FAM20A: variants seen among roughly 807,000 people sequenced by gnomAD.
FAM20A encodes the protein pseudokinase FAM20A.
Under a neutral mutation model 52.0 loss-of-function variants are expected in FAM20A, and 42 were observed. That is an observed-to-expected ratio of 0.81 (90% CI 0.63 to 1.04). FAM20A has a LOEUF of 1.04. FAM20A is among the 50% of genes least tolerant of loss of function. The pLI is 0.00. For missense variants in FAM20A, 742 were observed against 712.7 expected, an observed-to-expected ratio of 1.04 and a Z score of -0.47; for synonymous variants, 304 against 298.9, an observed-to-expected ratio of 1.02 and a Z score of -0.18.
chr17:68,575,383 ATATATATATATATTT>A (rs2087698259), intron 1 of FAM20A, among the ~76,000 whole-genome samples: 1 of 80,622 alleles, frequency 1.2e-5, no homozygotes, highest in African/African-American at 3.3e-5. Flanking sequence ...TTTACTTTAC[ATATATATATATATTT>A]TATATATATA....
chr17:68,600,758 A>C lies in FAM20A; in HGVS notation c.-92T>G. On this transcript the variant is annotated 5_prime_UTR_variant, in exon 1 of 11. Coordinates refer to ENST00000592554, the MANE Select transcript of FAM20A (RefSeq NM_017565.4). This position sits in a 1 kb window ranked among gnomAD's most constrained non-coding sequence, Gnocchi z 6.2. ...GGGTGCGGGCAGAAGAGGTGCCTGG[A>C]GTCCCGCGGGTGGGCCGGGGTCAGT... 7.2e-7 allele frequency: 1 copy of C among 1,392,828 alleles called. No individual in the cohort carries two copies. Among genetic ancestry groups the C allele is most frequent in the African/African-American group, 1.5e-5 (1 of 67,390 alleles). 86.3% of individuals were successfully genotyped at this position (1,392,828 alleles called of 1,614,324 possible).
intron 1 of FAM20A, among the ~76,000 whole-genome samples, chr17:68,574,411 CACG>C (rs774765406): frequency 2.0e-5 from 3 of 152,088 alleles, no homozygotes; most frequent in Admixed American, 6.5e-5. Flanking sequence ...GACCCACTCC[CACG>C]ATAACCCGTT....
intron 1 of FAM20A, among the ~76,000 whole-genome samples, chr17:68,588,731 A>G (rs367854219): frequency 3.3e-5 from 5 of 152,262 alleles, no homozygotes; most frequent in African/African-American, 1.2e-4. Context: ...AACCTTAATT[A>G]TCTCTTAAAA....
At chr17:68,554,601 C>A (rs1433234872) in intron 3 of FAM20A, among the ~76,000 whole-genome samples, 176 bp downstream of exon 3, 1 of 152,160 alleles carries the variant, frequency 6.6e-6, no homozygotes, top group East Asian at 1.9e-4. Context: ...ACAACCCTTC[C>A]CCTTAAGTGC....
chr17:68,574,383 C>T (rs2087666282), intron 1 of FAM20A, among the ~76,000 whole-genome samples: 1 of 152,176 alleles, frequency 6.6e-6, no homozygotes. Context: ...TTCCTTTCCT[C>T]TTCTTATAGC....
chr17:68,584,354 A>AACAAAAC (rs1200013100), intron 1 of FAM20A, among the ~76,000 whole-genome samples: 17 of 146,308 alleles, frequency 1.2e-4, no homozygotes, highest in African/African-American at 2.9e-4. Context: ...AAACAAAAAA[A>AACAAAAC]AAACCCAAAC....
chr17:68,563,881 A>C (rs2087296316), intron 1 of FAM20A, among the ~76,000 whole-genome samples: 1 of 152,194 alleles, frequency 6.6e-6, no homozygotes, highest in Admixed American at 6.5e-5. Flanking sequence ...ATAAAGGATA[A>C]ACAGCACAAA....
chr17:68,565,153 T>G (rs1302214382), intron 1 of FAM20A, among the ~76,000 whole-genome samples: 3 of 152,156 alleles, frequency 2.0e-5, no homozygotes, highest in South Asian at 4.1e-4. Context: ...TTGGAGTAAT[T>G]TTGATACCTG....
In FAM20A at chr17:68,600,130, C is replaced by T. The variant is rs1309888709; in HGVS notation, c.404+133G>A. 4 of 1,094,916 alleles carry T rather than the reference C, an allele frequency of 3.7e-6. No individual in the cohort carries two copies. Among genetic ancestry groups the T allele is most frequent in the Admixed American group, 2.7e-5 (1 of 36,932 alleles). The allele number at this position is 1,094,916 out of a possible 1,614,324, so 67.8% of individuals were successfully genotyped here. A position where few individuals can be genotyped will look rare whatever the true frequency, so the allele number is the denominator to read the frequency against. ...TTCGGGTGGGGAACACACTCTAAGC[C>T]CAGCGCCAGGGCTGGAGCCGTGGGT... is the stretch of plus-strand genomic sequence containing the variant. On this transcript the variant is annotated intron_variant, in intron 1 of 10. Transcript: ENST00000592554. The surrounding 1 kb of genome is among the most constrained non-coding windows in gnomAD (Gnocchi z 6.2).
chr17:68,546,123 T>G (rs771883042), intron 4 of FAM20A, among the ~76,000 whole-genome samples: 10 of 141,426 alleles, frequency 7.1e-5, no homozygotes, highest in Non-Finnish European at 1.0e-4. Flanking sequence ...GAGCCGAGAT[T>G]GTGCCACTGC....
In FAM20A at chr17:68,536,246, G is replaced by C. The variant is rs1206754362; in HGVS notation, c.*1231C>G. On this transcript the variant is annotated 3_prime_UTR_variant, in exon 11 of 11. Coordinates refer to ENST00000592554, the MANE Select transcript of FAM20A (RefSeq NM_017565.4). ...AGTGACAGCTCCATTCTATTCTCAT[G>C]CTTACAGTATTTGAACTCTGGCCTT... The C allele has an allele frequency of 4.4e-6, 2 of 453,990 alleles. No homozygotes were observed. Among genetic ancestry groups the C allele is most frequent in the Non-Finnish European group, 8.8e-6 (2 of 226,792 alleles). The allele number at this position is 453,990 out of a possible 1,614,324, so 28.1% of individuals were successfully genotyped here. A position where few individuals can be genotyped will look rare whatever the true frequency, so the allele number is the denominator to read the frequency against.
chr17:68,562,403 A>G (rs1355785083), intron 1 of FAM20A, among the ~76,000 whole-genome samples: 1 of 152,226 alleles, frequency 6.6e-6, no homozygotes, highest in Non-Finnish European at 1.5e-5. Context: ...ACAGGTGCTT[A>G]TATAGACATA....
chr17:68,597,219 T>C (rs1276423103), intron 1 of FAM20A, among the ~76,000 whole-genome samples: 1 of 120,474 alleles, frequency 8.3e-6, no homozygotes, highest in Non-Finnish European at 1.8e-5. Context: ...TGGTCAAAAT[T>C]ACAAAAAAAA....
intron 1 of FAM20A, among the ~76,000 whole-genome samples, chr17:68,595,330 T>C (rs1445172494): frequency 3.3e-5 from 5 of 152,206 alleles, no homozygotes; most frequent in Admixed American, 2.0e-4. Context: ...GTTTTTGCTG[T>C]GGCAACAGCA....
rs1288872782 is a variant in FAM20A at position 68,535,511 on chromosome 17, G to C, written c.*1966C>G. 1.5e-5 allele frequency: 7 copies of C among 453,918 alleles called. No homozygotes were observed. The highest frequency in any genetic ancestry group is 3.1e-5 in the Non-Finnish European group (7 of 226,784). The allele number at this position is 453,918 out of a possible 1,614,324, so 28.1% of individuals were successfully genotyped here. A position where few individuals can be genotyped will look rare whatever the true frequency, so the allele number is the denominator to read the frequency against. ...TTTACCCAGATATTTTCCCATTTCT[G>C]TGTGTGATCTCCTGGTTCTTCATCC... On this transcript the variant is annotated 3_prime_UTR_variant, in exon 11 of 11. Transcript: ENST00000592554.
rs1172531711 is a variant in FAM20A at position 68,536,213 on chromosome 17, C to G, written c.*1264G>C. The G allele has an allele frequency of 2.2e-6, 1 of 454,110 alleles. No individual in the cohort carries two copies. Among genetic ancestry groups the G allele is most frequent in the Admixed American group, 2.3e-5 (1 of 42,578 alleles). The allele number at this position is 454,110 out of a possible 1,614,324, so 28.1% of individuals were successfully genotyped here. A position where few individuals can be genotyped will look rare whatever the true frequency, so the allele number is the denominator to read the frequency against. ...GACATTTCTGGTTCTTGACCTTGTA[C>G]TCTCTTTAGTGACAGCTCCATTCTA... On this transcript the variant is annotated 3_prime_UTR_variant, in exon 11 of 11. Transcript: ENST00000592554.
At chr17:68,573,650 C>T (rs2087641140) in intron 1 of FAM20A, among the ~76,000 whole-genome samples, 1 of 147,850 alleles carries the variant, frequency 6.8e-6, no homozygotes, top group Non-Finnish European at 1.5e-5. Flanking sequence ...TTTCTTTCTT[C>T]CTTTCTTCCT....
chr17:68,588,924 G>C (rs1025885789), intron 1 of FAM20A, among the ~76,000 whole-genome samples: 2 of 152,208 alleles, frequency 1.3e-5, no homozygotes, highest in Non-Finnish European at 2.9e-5. Context: ...TCTGCCCACT[G>C]CTGGACAACT....
At chr17:68,556,579 G>T (rs74000754) in intron 1 of FAM20A, among the ~76,000 whole-genome samples, 2 of 152,088 alleles carry the variant, frequency 1.3e-5, no homozygotes, top group African/African-American at 4.8e-5. Flanking sequence ...GGGGCAGGGA[G>T]GGGGGGTGGT....
Sources: gnomAD v4.1 joint callset for allele counts (sites outside exome capture counted in the v4.1 genomes callset) on GRCh38, gnomAD v4.1.1 for gene constraint, Gnocchi (gnomAD v3.1) non-coding constraint, MANE v1.5 for transcripts, NCBI Gene and HGNC (gene_info 2026-07-23, HGNC 2026-07-21) for gene names.